Variants in APOO observed in about 807,000 individuals in gnomAD.
The protein encoded by APOO is apolipoprotein O.
In APOO, 11 loss-of-function variants were observed where a neutral mutation model predicts 23.1. The ratio of observed to expected loss-of-function variants is 0.48; its 90% CI spans 0.30 to 0.79. The LOEUF (loss-of-function observed/expected upper bound fraction) is 0.79. Among genes scored for constraint, APOO ranks in the 30% least tolerant of loss-of-function variants. APOO has a pLI of 0.07. For missense variants in APOO, 160 were observed against 142.7 expected, an observed-to-expected ratio of 1.12 and a Z score of -0.62; for synonymous variants, 59 against 54.8, an observed-to-expected ratio of 1.08 and a Z score of -0.34.
At chrX:23,884,055 T>C (rs749763223) in intron 1 of APOO, 3 of 111,069 alleles carry the variant, frequency 2.7e-5, no homozygotes, top group Admixed American at 9.6e-5. Flanking sequence ...GGAGTTCGAG[T>C]TTTGTGGGAG....
chrX:23,896,061 G>T (rs1364719990), intron 1 of APOO, among the ~76,000 whole-genome samples: 1 of 110,339 alleles, frequency 9.1e-6, no homozygotes, highest in Non-Finnish European at 1.9e-5. Context: ...CGAGGTCAGT[G>T]GTTCGAGACC....
chrX:23,847,797 C>T (rs1263403608), intron 7 of APOO, among the ~76,000 whole-genome samples: 1 of 101,152 alleles, frequency 9.9e-6, no homozygotes, highest in Non-Finnish European at 2.0e-5. Flanking sequence ...TGTGCCCAGC[C>T]TATAATTATA....
Position 23,856,346 on chromosome X carries a change from C to G in APOO, c.517G>C (p.Gly173Arg), listed in dbSNP as rs781675242. Residue 173 changes from glycine to arginine, a missense_variant, in exon 7 of 9, where the codon GGA (glycine) becomes CGA (arginine). Gly to Arg is a moderately radical substitution (Grantham distance 125). Transcript: ENST00000379226. The part of the protein sequence containing the change: ...GERLYDWGLR[G>R]YIVIEDLWKE... Reference sequence around the variant, plus strand: ...CACAAATCTTCTATGACTATATATCCTCGTAAACCCCAGTCATATAATCTC... The same window carrying G: ...CACAAATCTTCTATGACTATATATCGTCGTAAACCCCAGTCATATAATCTC... 7.4e-6 allele frequency: 9 copies of G among 1,210,021 alleles called. No individual in the cohort carries two copies. The highest frequency in any genetic ancestry group is 1.0e-5 in the Non-Finnish European group (9 of 894,624).
At chrX:23,884,074 G>GT (rs1926262549) in intron 1 of APOO, 1 of 111,825 alleles carries the variant, frequency 8.9e-6, no homozygotes, top group Non-Finnish European at 1.9e-5. Flanking sequence ...AGGGAGCAGA[G>GT]TGACAGAGAG....
At chrX:23,880,763 C>T in intron 2 of APOO, 82 bp downstream of exon 2, 1 of 403,170 alleles carries the variant, frequency 2.5e-6, no homozygotes, top group Non-Finnish European at 4.0e-6. Context: ...TCACATCTTC[C>T]TGATATACAA....
intron 1 of APOO, among the ~76,000 whole-genome samples, chrX:23,891,129 C>G (rs1926632713): frequency 9.0e-6 from 1 of 111,517 alleles, no homozygotes; most frequent in African/African-American, 3.3e-5. Flanking sequence ...TTTGGGCCTT[C>G]TCTTCCTCTG....
intron 1 of APOO, among the ~76,000 whole-genome samples, chrX:23,890,506 T>C (rs1926607410): frequency 8.9e-6 from 1 of 112,432 alleles, no homozygotes; most frequent in Non-Finnish European, 1.9e-5. Flanking sequence ...TATATGTATG[T>C]TATACAAATG....
At chrX:23,852,852 T>C (rs1479748966) in intron 7 of APOO, among the ~76,000 whole-genome samples, 5 of 110,666 alleles carry the variant, frequency 4.5e-5, no homozygotes, top group African/African-American at 6.6e-5. Context: ...TTTCCTTATC[T>C]CCTTTACTAG....
chrX:23,884,954 T>C (rs953367286), intron 1 of APOO, among the ~76,000 whole-genome samples: 4 of 111,490 alleles, frequency 3.6e-5, no homozygotes, highest in Non-Finnish European at 5.6e-5. Context: ...CTATGTATCT[T>C]TTATTTTACT....
At chrX:23,878,721 AC>A (rs1569238728) in intron 3 of APOO, among the ~76,000 whole-genome samples, 193 bp downstream of exon 3, 713 of 5,187 alleles carry the variant, frequency 0.14, 6 homozygotes, top group African/African-American at 0.24. Context: ...CATTCTTGCT[AC>A]TTGCTATTTT....
At chrX:23,890,732 T>G (rs1310428657) in intron 1 of APOO, among the ~76,000 whole-genome samples, 1 of 111,891 alleles carries the variant, frequency 8.9e-6, no homozygotes, top group African/African-American at 3.3e-5. Flanking sequence ...CTGAGTACAT[T>G]TAAGGGAGGG....
At chrX:23,907,592 G>T in intron 1 of APOO, 102 bp downstream of exon 1, 1 of 909,880 alleles carries the variant, frequency 1.1e-6, no homozygotes, top group Non-Finnish European at 1.5e-6. Flanking sequence ...AAGCCTCGGG[G>T]TGAGCCAGGC....
intron 1 of APOO, among the ~76,000 whole-genome samples, chrX:23,894,506 T>C (rs1020672063): frequency 8.9e-6 from 1 of 111,832 alleles, no homozygotes; most frequent in African/African-American, 3.2e-5. Flanking sequence ...TAAAAGAAAA[T>C]CAGTCTCGGC....
chrX:23,879,305 A>G (rs2147018899), intron 2 of APOO, among the ~76,000 whole-genome samples: 1 of 111,384 alleles, frequency 9.0e-6, no homozygotes, highest in African/African-American at 3.3e-5. Flanking sequence ...GTGTCGCGGT[A>G]GGCGCCTGTA....
chrX:23,862,821 G>A (rs1340563734), intron 5 of APOO, among the ~76,000 whole-genome samples: 1 of 86,027 alleles, frequency 1.2e-5, no homozygotes, highest in Non-Finnish European at 2.3e-5. Context: ...GGACGAGAAG[G>A]GAAGGAAGAA....
intron 5 of APOO, among the ~76,000 whole-genome samples, chrX:23,860,096 A>T (rs1371547588): frequency 9.0e-6 from 1 of 111,545 alleles, no homozygotes; most frequent in Non-Finnish European, 1.9e-5. Flanking sequence ...CAGAAAATGG[A>T]GAGTGAACGG....
chrX:23,871,073 A>G (rs1925594551), intron 4 of APOO, among the ~76,000 whole-genome samples: 2 of 109,416 alleles, frequency 1.8e-5, no homozygotes, highest in Admixed American at 2.0e-4. Context: ...TGGGCAACAG[A>G]GCGAGACTCT....
Position 23,880,938 on chromosome X carries a change from G to A in APOO, c.24C>T (p.Ser8=), listed in dbSNP as rs148221723. The change falls in exon 2 of 9, where the codon TCC becomes TCT. Residue 8 remains serine, a synonymous_variant. Coordinates refer to ENST00000379226, the MANE Select transcript of APOO (RefSeq NM_024122.5). MFKVIQR[S]VGPASLSLLT... ...GCAAGCTCAGGCTGGCTGGCCCCACGGACCTCTGAATTACCTGAAATGCAG... is the reference window on the plus strand; with the variant it reads ...GCAAGCTCAGGCTGGCTGGCCCCACAGACCTCTGAATTACCTGAAATGCAG... 126 of 1,175,815 alleles carry A rather than the reference G, an allele frequency of 1.1e-4. No homozygotes were observed. The African/African-American group carries it at 1.8e-3, about 17-fold the overall frequency.
intron 2 of APOO, 32 bp downstream of exon 2, chrX:23,880,813 C>T: frequency 2.0e-6 from 2 of 1,017,999 alleles, no homozygotes; most frequent in Admixed American, 6.2e-5. Context: ...ATCAGACACT[C>T]AAAATATATC....
Sources: allele counts gnomAD v4.1 joint callset (sites outside exome capture counted in the v4.1 genomes callset), GRCh38; gene constraint gnomAD v4.1.1; transcripts MANE v1.5; gene names NCBI Gene and HGNC (gene_info 2026-07-23, HGNC 2026-07-21).